PRKN: variants seen among roughly 807,000 people sequenced by gnomAD.
PRKN encodes parkin RBR E3 ubiquitin protein ligase, also known as E3 ubiquitin-protein ligase parkin.
A neutral mutation model predicts 59.5 loss-of-function variants in PRKN; 56 were observed. That is an observed-to-expected ratio of 0.94 (90% confidence interval 0.76 to 1.18). The LOEUF (loss-of-function observed/expected upper bound fraction) is 1.18. Ranked by LOEUF, PRKN falls within the 50% of genes most tolerant of loss-of-function variation. The probability of loss-of-function intolerance (pLI) is 0.00; values close to 1 mark genes in which losing one functional copy is unlikely to be tolerated. For missense variants in PRKN, 657 were observed against 596.4 expected, an observed-to-expected ratio of 1.10 and a Z score of -1.06; for synonymous variants, 250 against 222.1, an observed-to-expected ratio of 1.13 and a Z score of -1.12.
At chr6:161,403,732 A>C (rs138339277) in intron 9 of PRKN, among the ~76,000 whole-genome samples, 5 of 152,202 alleles carry the variant, frequency 3.3e-5, no homozygotes, top group African/African-American at 1.2e-4. Context: ...TCTGGAACTC[A>C]TGCTGAGATT....
intron 2 of PRKN, among the ~76,000 whole-genome samples, chr6:162,419,297 G>A (rs1395063104): frequency 6.6e-6 from 1 of 152,102 alleles, no homozygotes; most frequent in Non-Finnish European, 1.5e-5. Context: ...AAAGGCTGGT[G>A]AGAGATGAAA....
intron 9 of PRKN, among the ~76,000 whole-genome samples, chr6:161,516,173 C>T (rs754770311): frequency 1.3e-4 from 20 of 151,934 alleles, no homozygotes; most frequent in Admixed American, 5.9e-4. Context: ...GTGGGCCAGG[C>T]GCAGTGGCTC....
chr6:161,954,194 T>C (rs887638857), intron 6 of PRKN, among the ~76,000 whole-genome samples: 1 of 152,186 alleles, frequency 6.6e-6, no homozygotes, highest in South Asian at 2.1e-4. Flanking sequence ...GCTTCTATAA[T>C]ACATCGAAGC....
intron 1 of PRKN, among the ~76,000 whole-genome samples, chr6:162,477,667 CT>C (rs1050568384): frequency 3.9e-5 from 6 of 152,138 alleles, no homozygotes; most frequent in African/African-American, 1.4e-4. Flanking sequence ...AGTATCCACT[CT>C]TTTCTCATCC....
intron 5 of PRKN, among the ~76,000 whole-genome samples, chr6:162,015,806 C>T (rs1357566038): frequency 6.6e-6 from 1 of 152,116 alleles, no homozygotes; most frequent in Non-Finnish European, 1.5e-5. Flanking sequence ...TTATATGTTA[C>T]AATCAATATA....
At chr6:162,035,278 G>A (rs1783796783) in intron 5 of PRKN, among the ~76,000 whole-genome samples, 1 of 152,084 alleles carries the variant, frequency 6.6e-6, no homozygotes, top group Non-Finnish European at 1.5e-5. Context: ...ATTCACAAAG[G>A]GTCTGTCCCC....
rs1440673371 is a variant in PRKN, at chr6:161,348,599, GA to G, written c.*1499del. ...AGAGGGACAGGTGTCCCAGGATGTGGAAAACTTGAGTTCATCCCCTCTCTTC... is the reference window on the plus strand; with the variant it reads ...AGAGGGACAGGTGTCCCAGGATGTGGAAACTTGAGTTCATCCCCTCTCTTC... On this transcript the variant is annotated 3_prime_UTR_variant, in exon 12 of 12. Coordinates refer to ENST00000366898, the MANE Select transcript of PRKN (RefSeq NM_004562.3). This position sits in a 1 kb window ranked among gnomAD's most constrained non-coding sequence, Gnocchi z 4.9. The G allele has an allele frequency of 4.8e-6, 1 of 207,208 alleles. No individual in the cohort carries two copies. The highest frequency in any genetic ancestry group is 9.8e-6 in the Non-Finnish European group (1 of 101,610). 12.8% of individuals were successfully genotyped at this position (207,208 alleles called of 1,614,324 possible).
chr6:162,345,290 G>A (rs1784350870), intron 2 of PRKN, among the ~76,000 whole-genome samples: 1 of 152,194 alleles, frequency 6.6e-6, no homozygotes. Context: ...GCTACACACA[G>A]AAAGCTGCCC....
intron 9 of PRKN, among the ~76,000 whole-genome samples, chr6:161,532,661 A>G (rs1779265723): frequency 6.6e-6 from 1 of 152,188 alleles, no homozygotes; most frequent in Admixed American, 6.5e-5. Flanking sequence ...TGCTAAATAG[A>G]AATCATGGGT....
At chr6:162,231,293 T>A (rs1340190139) in intron 3 of PRKN, among the ~76,000 whole-genome samples, 1 of 152,212 alleles carries the variant, frequency 6.6e-6, no homozygotes, top group Non-Finnish European at 1.5e-5. Context: ...AAAATTTACT[T>A]TCTGAAAGGG....
At chr6:161,506,486 A>G (rs1778174611) in intron 9 of PRKN, among the ~76,000 whole-genome samples, 1 of 152,190 alleles carries the variant, frequency 6.6e-6, no homozygotes, top group African/African-American at 2.4e-5. Flanking sequence ...TGACAATTTG[A>G]CTTCCCAACT....
At chr6:161,532,806 C>T (rs527684245) in intron 9 of PRKN, among the ~76,000 whole-genome samples, 2 of 152,208 alleles carry the variant, frequency 1.3e-5, no homozygotes, top group African/African-American at 4.8e-5. Flanking sequence ...AGAAGGGTGG[C>T]TGTCACTGTC....
At chr6:162,395,637 T>C (rs1787437156) in intron 2 of PRKN, among the ~76,000 whole-genome samples, 1 of 152,040 alleles carries the variant, frequency 6.6e-6, no homozygotes. Flanking sequence ...AGTAACTCAT[T>C]ATGCAGCCAT....
chr6:161,450,733 T>G (rs1042021063), intron 9 of PRKN, among the ~76,000 whole-genome samples: 16 of 152,060 alleles, frequency 1.1e-4, no homozygotes, highest in Non-Finnish European at 1.8e-4. Flanking sequence ...ATTTTTGTAT[T>G]TTTAGTAGAG....
intron 2 of PRKN, among the ~76,000 whole-genome samples, chr6:162,414,517 C>A (rs1369712370): frequency 6.6e-5 from 10 of 151,418 alleles, no homozygotes; most frequent in Non-Finnish European, 1.3e-4. Flanking sequence ...ACCATCCTGG[C>A]TAACATGGTG....
In PRKN at chr6:162,425,063, G is replaced by GA. The variant is rs59878220; in HGVS notation, c.171+18246dup. 1.2e-3 allele frequency among the ~76,000 whole-genome samples: 173 copies of GA among 147,622 alleles called. 1 individual carries two copies. The highest frequency in any genetic ancestry group is 3.4e-3 in the South Asian group (16 of 4,660). On this transcript the variant is annotated intron_variant, in intron 2 of 11. Coordinates refer to ENST00000366898, the MANE Select transcript of PRKN (RefSeq NM_004562.3). ...ATGACTTTCGTTAAAGGATTGACTAGAAAAAAAAAAAATCTACCCATCAGA... is the reference window on the plus strand; with the variant it reads ...ATGACTTTCGTTAAAGGATTGACTAGAAAAAAAAAAAAATCTACCCATCAGA...
intron 9 of PRKN, among the ~76,000 whole-genome samples, chr6:161,521,063 G>C (rs769595453): frequency 1.3e-5 from 2 of 152,082 alleles, no homozygotes; most frequent in Non-Finnish European, 2.9e-5. Context: ...TATTAATCCC[G>C]GGTCTTAAAT....
chr6:162,004,251 C>A (rs997263578), intron 5 of PRKN, among the ~76,000 whole-genome samples: 10 of 152,130 alleles, frequency 6.6e-5, no homozygotes, highest in Admixed American at 1.3e-4. Flanking sequence ...GTTTGTAGCA[C>A]CAGCTGCTTC....
rs538376785 is a variant in PRKN at position 162,039,743 on chromosome 6, T to A, written c.618+14348A>T. On this transcript the variant is annotated intron_variant, in intron 5 of 11. Transcript: ENST00000366898. ...CAGACTAAACAATTATCATTGTCTG[T>A]TGCTAATTTGAGCCCCCTTTCAATA... Among the ~76,000 whole-genome samples, 6 of 152,366 alleles carry A rather than the reference T, an allele frequency of 3.9e-5. 1 individual carries two copies. The South Asian group carries it at 1.2e-3, about 32-fold the overall frequency.
Sources: allele counts gnomAD v4.1 joint callset (sites outside exome capture counted in the v4.1 genomes callset), GRCh38; gene constraint gnomAD v4.1.1; non-coding constraint Gnocchi (gnomAD v3.1); transcripts MANE v1.5; gene names NCBI Gene and HGNC (gene_info 2026-07-23, HGNC 2026-07-21).